Variants in SCOC observed in about 807,000 individuals in gnomAD.
SCOC encodes short coiled coil protein.
A neutral mutation model predicts 9.9 loss-of-function variants in SCOC; 7 were observed. That is an observed-to-expected ratio of 0.71 (90% CI 0.40 to 1.33). The LOEUF is 1.33. SCOC is among the 40% of genes most tolerant of loss of function. The pLI is 0.01. For missense variants in SCOC, 66 were observed against 89.7 expected (o/e 0.74, Z 1.07); for synonymous variants, 19 against 28.2 (o/e 0.67, Z 1.03).
chr4:140,268,402 T>C (rs1357417965), intron 1 of SCOC, among the ~76,000 whole-genome samples: 1 of 152,224 alleles, frequency 6.6e-6, no homozygotes, highest in African/African-American at 2.4e-5. Context: ...TTACCCTAGC[T>C]GAGCCACTTG....
At chr4:140,348,780 G>C (rs1390307937) in intron 2 of SCOC, among the ~76,000 whole-genome samples, 1 of 152,102 alleles carries the variant, frequency 6.6e-6, no homozygotes, top group African/African-American at 2.4e-5. Flanking sequence ...ATGTTTTGAG[G>C]AACCTCCACA....
intron 2 of SCOC, among the ~76,000 whole-genome samples, chr4:140,350,914 G>A (rs1041162835): frequency 6.6e-6 from 1 of 152,080 alleles, no homozygotes; most frequent in Non-Finnish European, 1.5e-5. Flanking sequence ...TCTGGGCCAG[G>A]AACAGTGGCT....
At chr4:140,288,747 C>A (rs1428697875) in intron 1 of SCOC, among the ~76,000 whole-genome samples, 12 of 151,802 alleles carry the variant, frequency 7.9e-5, no homozygotes, top group Non-Finnish European at 1.5e-4. Context: ...GTACACACAC[C>A]ACACACATCA....
intron 1 of SCOC, among the ~76,000 whole-genome samples, chr4:140,326,924 G>C (rs6848244): frequency 1.3e-5 from 2 of 151,852 alleles, no homozygotes; most frequent in Non-Finnish European, 2.9e-5. Context: ...CTTGGAAGTG[G>C]GCAGCCATGA....
intron 1 of SCOC, among the ~76,000 whole-genome samples, chr4:140,378,202 A>G (rs1027523840): frequency 6.6e-6 from 1 of 152,080 alleles, no homozygotes; most frequent in Non-Finnish European, 1.5e-5. Context: ...CCATATTAAT[A>G]TTTTAGATGG....
At position 140,275,529 on chromosome 4, in the gene SCOC, C is replaced by T. The variant is rs113257078; in HGVS notation, c.-19+18119C>T. On this transcript the variant is annotated intron_variant, in intron 1 of 4. Transcript: ENST00000394205. ...ATGTTTGCATCCTAAGTGCCAACCA[C>T]AGTGCCTGACAAGTAACGTTTAGTA... Among the ~76,000 whole-genome samples, 89 of 152,302 alleles carry T rather than the reference C, an allele frequency of 5.8e-4. 2 individuals are homozygous for T. Among genetic ancestry groups the T allele is most frequent in the African/African-American group, 2.1e-3 (86 of 41,562 alleles).
chr4:140,298,943 G>C (rs1285421428), intron 1 of SCOC, among the ~76,000 whole-genome samples: 3 of 152,128 alleles, frequency 2.0e-5, no homozygotes, highest in African/African-American at 7.2e-5. Context: ...AGCCTCCTGA[G>C]TAGCTGAGAC....
At chr4:140,373,504 G>C (rs1425006145), upstream of SCOC, 4 of 1,551,652 alleles carry the variant, frequency 2.6e-6, no homozygotes, top group East Asian at 7.3e-5. Context: ...CCGGTGCTTT[G>C]AGATTGGACG....
In SCOC at chr4:140,383,460, G is replaced by A. The variant is rs893357930; in HGVS notation, c.*2356G>A. The A allele has an allele frequency of 6.6e-6, 1 of 152,196 alleles. No homozygotes were observed. The highest frequency in any genetic ancestry group is 1.5e-5 in the Non-Finnish European group (1 of 68,042). 9.4% of individuals were successfully genotyped at this position (152,196 alleles called of 1,614,324 possible). ...ATAAAAAGTCTCAATTTGGAAAATG[G>A]AATAAAGGGAAACGTAAAAATTGTG... On this transcript the variant is annotated 3_prime_UTR_variant, in exon 4 of 4. Transcript: ENST00000608372.
intron 1 of SCOC, among the ~76,000 whole-genome samples, chr4:140,273,758 AT>A (rs1730915286): frequency 6.6e-6 from 1 of 152,228 alleles, no homozygotes; most frequent in African/African-American, 2.4e-5. Flanking sequence ...TGTTAAATAA[AT>A]TTAGCTCTCC....
At chr4:140,362,314 T>TCTTCC (rs1727596376) in intron 2 of SCOC, among the ~76,000 whole-genome samples, 1 of 9,734 alleles carries the variant, frequency 1.0e-4, no homozygotes, top group African/African-American at 3.3e-4. Context: ...TTTTTTTTTT[T>TCTTCC]TGTGAGAGTC....
upstream of SCOC, among the ~76,000 whole-genome samples, chr4:140,368,998 A>G (rs934266265): frequency 6.6e-5 from 10 of 151,898 alleles, no homozygotes; most frequent in African/African-American, 2.2e-4. Flanking sequence ...CATTTTTATG[A>G]TAAAGTCCAA....
At chr4:140,289,796 A>G (rs923798874) in intron 1 of SCOC, among the ~76,000 whole-genome samples, 1 of 152,182 alleles carries the variant, frequency 6.6e-6, no homozygotes, top group Non-Finnish European at 1.5e-5. Context: ...GATTCCATTC[A>G]TGTGCTTATC....
intron 1 of SCOC, among the ~76,000 whole-genome samples, chr4:140,261,455 C>T (rs943371781): frequency 2.0e-5 from 3 of 152,232 alleles, no homozygotes; most frequent in Admixed American, 1.3e-4. Flanking sequence ...TCCCATACCC[C>T]AGACTTTGCC....
chr4:140,267,801 C>G (rs776112195), intron 1 of SCOC, among the ~76,000 whole-genome samples: 1 of 152,270 alleles, frequency 6.6e-6, no homozygotes, highest in Non-Finnish European at 1.5e-5. Flanking sequence ...CCCTGGCTGG[C>G]CTCTCGGCTC....
intron 1 of SCOC, among the ~76,000 whole-genome samples, chr4:140,295,909 C>T (rs1455732726): frequency 3.2e-5 from 4 of 124,152 alleles, no homozygotes; most frequent in African/African-American, 3.3e-5. Context: ...CCAGCCTGGG[C>T]GACAGAGCGA....
chr4:140,338,919 T>C (rs1726383521), upstream of SCOC, among the ~76,000 whole-genome samples: 1 of 152,190 alleles, frequency 6.6e-6, no homozygotes, highest in Non-Finnish European at 1.5e-5. Flanking sequence ...AAGCTACCAA[T>C]GACTTTCTTC....
intron 1 of SCOC, among the ~76,000 whole-genome samples, chr4:140,288,095 G>A (rs1182658479): frequency 6.6e-6 from 1 of 151,690 alleles, no homozygotes; most frequent in Non-Finnish European, 1.5e-5. Context: ...ACACACATAT[G>A]CACATATCAA....
chr4:140,353,128 C>T (rs1727049280), intron 2 of SCOC, among the ~76,000 whole-genome samples: 1 of 152,142 alleles, frequency 6.6e-6, no homozygotes, highest in Non-Finnish European at 1.5e-5. Context: ...AGCCTGGTTT[C>T]CTTAGAGAAC....
Sources: allele counts gnomAD v4.1 joint callset (sites outside exome capture counted in the v4.1 genomes callset), GRCh38; gene constraint gnomAD v4.1.1; transcripts MANE v1.5; gene names NCBI Gene and HGNC (gene_info 2026-07-23, HGNC 2026-07-21).